The following COL28A1 variants were observed in gnomAD, a reference collection of about 807,000 sequenced individuals.
COL28A1 encodes collagen type XXVIII alpha 1 chain.
Under a neutral mutation model 150.2 loss-of-function variants are expected in COL28A1, and 161 were observed. The ratio of observed to expected loss-of-function variants is 1.07; its 90% CI spans 0.94 to 1.22. The LOEUF is 1.22. Among genes scored for constraint, COL28A1 ranks in the 50% most tolerant of loss-of-function variants. The pLI is 0.00. For missense variants in COL28A1, 1,617 were observed against 1,388.3 expected, an observed-to-expected ratio of 1.16 and a Z score of -2.62; for synonymous variants, 552 against 469.7, an observed-to-expected ratio of 1.18 and a Z score of -2.26.
chr7:7,437,452 C>T lies in COL28A1; in HGVS notation c.1733G>A (p.Gly578Asp), dbSNP rs758705680. ...AGGCATTCCAAAAGGGCCCATAATG[C>T]CCGGTTCACCCTTAAAAAGAGCAAA... ...PGPEGPKGEPGIMGPFGMPGT... is the reference protein window; with the variant it reads ...PGPEGPKGEPDIMGPFGMPGT... Residue 578 changes from glycine (G) to aspartate (D), a missense_variant, in exon 22 of 35, where the codon GGC becomes GAC. Transcript: ENST00000399429. 4 of 1,613,384 alleles carry T rather than the reference C, an allele frequency of 2.5e-6. No homozygotes were observed. The highest frequency in any genetic ancestry group is 3.4e-6 in the Non-Finnish European group (4 of 1,179,778).
Position 7,417,908 on chromosome 7 carries a change from C to A in COL28A1, c.2087G>T (p.Gly696Val), listed in dbSNP as rs766629201. Residue 696 changes from glycine to valine, a missense_variant, in exon 27 of 35, where the codon GGC becomes GTC. By Grantham distance (109) the Gly-to-Val change is moderately radical (BLOSUM62 -3). Coordinates refer to ENST00000399429, the MANE Select transcript of COL28A1 (RefSeq NM_001037763.3). ...AGGGGGGCCAGGAGGGCCAGGCAAG[C>A]CTTTCTGCCCAGTATCACCCTGTTA... The part of the protein sequence containing the change: ...QGPKGDTGQK[G>V]LPGPPGPPGY... 6.2e-7 allele frequency: 1 copy of A among 1,613,338 alleles called. No homozygotes were observed. The highest frequency in any genetic ancestry group is 8.5e-7 in the Non-Finnish European group (1 of 1,179,622).
rs979008480 is a variant in COL28A1, at chr7:7,535,846, C to G, written c.-134G>C. On this transcript the variant is annotated 5_prime_UTR_variant, in exon 1 of 35. Coordinates refer to ENST00000399429, the MANE Select transcript of COL28A1 (RefSeq NM_001037763.3). Reference sequence around the variant, plus strand: ...GTGAAGTTAGCTATTTGATATTGTTCTGTTCTGTGGGAAATAAAAGTGTCT... The same window carrying G: ...GTGAAGTTAGCTATTTGATATTGTTGTGTTCTGTGGGAAATAAAAGTGTCT... 11 of 152,264 alleles carry G rather than the reference C, an allele frequency of 7.2e-5. No individual in the cohort carries two copies. Among genetic ancestry groups the G allele is most frequent in the African/African-American group, 2.6e-4 (11 of 41,570 alleles). The allele number at this position is 152,264 out of a possible 1,614,324, so 9.4% of individuals were successfully genotyped here.
intron 18 of COL28A1, among the ~76,000 whole-genome samples, chr7:7,445,897 G>C (rs1013014655): frequency 2.1e-5 from 3 of 145,844 alleles, no homozygotes; most frequent in Non-Finnish European, 4.5e-5. Context: ...TTTCGTTCTT[G>C]TTGACCAGGC....
chr7:7,420,219 C>T (rs1245566339), intron 25 of COL28A1: 4 of 251,296 alleles, frequency 1.6e-5, no homozygotes, highest in South Asian at 1.2e-4. Flanking sequence ...AAAGTAATTA[C>T]GAGTATTGTG....
At chr7:7,522,692 G>T (rs1781790735) in intron 4 of COL28A1, among the ~76,000 whole-genome samples, 1 of 151,536 alleles carries the variant, frequency 6.6e-6, no homozygotes, top group Admixed American at 6.6e-5. Context: ...GACAAAAAAT[G>T]ATTCAGATTT....
chr7:7,378,796 G>C (rs934198652), intron 30 of COL28A1, among the ~76,000 whole-genome samples: 4 of 152,190 alleles, frequency 2.6e-5, no homozygotes, highest in Non-Finnish European at 5.9e-5. Flanking sequence ...ACCTCATGGA[G>C]CTGTCATGCA....
At chr7:7,432,580 T>C in intron 24 of COL28A1, 39 bp from the exon 25 acceptor site, 1 of 1,606,404 alleles carries the variant, frequency 6.2e-7, no homozygotes, top group Non-Finnish European at 8.5e-7. Flanking sequence ...AGCATCCTTG[T>C]AGTATGCAAC....
At chr7:7,388,979 G>A (rs554760732) in intron 27 of COL28A1, among the ~76,000 whole-genome samples, 1 of 152,252 alleles carries the variant, frequency 6.6e-6, no homozygotes, top group South Asian at 2.1e-4. Context: ...TTCTTTTGCT[G>A]TGCAGAAGCT....
intron 4 of COL28A1, 194 bp from the exon 5 acceptor site, chr7:7,522,155 C>T: frequency 1.6e-6 from 1 of 639,960 alleles, no homozygotes; most frequent in Admixed American, 2.1e-5. Context: ...GGATGTTTTG[C>T]TCTCTCTATT....
intron 18 of COL28A1, among the ~76,000 whole-genome samples, chr7:7,452,045 G>A (rs901235440): frequency 4.6e-5 from 7 of 152,138 alleles, no homozygotes; most frequent in Non-Finnish European, 8.8e-5. Flanking sequence ...ATCATGTCCC[G>A]AAAGCTGGGG....
chr7:7,503,614 C>A (rs1430040502), intron 11 of COL28A1, among the ~76,000 whole-genome samples: 1 of 152,074 alleles, frequency 6.6e-6, no homozygotes, highest in East Asian at 1.9e-4. Context: ...ATAGTACATT[C>A]TGGGAGGCAA....
chr7:7,496,300 T>G (rs1385639382), intron 11 of COL28A1, among the ~76,000 whole-genome samples: 1 of 152,332 alleles, frequency 6.6e-6, no homozygotes, highest in African/African-American at 2.4e-5. Context: ...ATTACTATAA[T>G]TCACTCAATC....
At chr7:7,395,119 C>G (rs1181704028) in intron 27 of COL28A1, among the ~76,000 whole-genome samples, 2 of 152,188 alleles carry the variant, frequency 1.3e-5, no homozygotes, top group Non-Finnish European at 1.5e-5. Flanking sequence ...TGGCGAAACC[C>G]TGTTTCTACT....
chr7:7,447,330 A>T (rs1044010890), intron 18 of COL28A1, among the ~76,000 whole-genome samples: 48 of 152,106 alleles, frequency 3.2e-4, no homozygotes, highest in African/African-American at 1.2e-3. Flanking sequence ...TGTAATCCCA[A>T]CTACTCAGGA....
At chr7:7,346,224 ATTTTT>A in the COL28A1 span, among the ~76,000 whole-genome samples, 1 of 149,154 alleles carries the variant, frequency 6.7e-6, no homozygotes, top group Non-Finnish European at 1.5e-5. Context: ...AGTTTTAATC[ATTTTT>A]TTTTTAAGAT....
chr7:7,530,661 G>C (rs1322041176), intron 3 of COL28A1, among the ~76,000 whole-genome samples: 2 of 151,924 alleles, frequency 1.3e-5, no homozygotes, highest in Non-Finnish European at 2.9e-5. Context: ...AAGCAGCAAG[G>C]AAAGGCTTTT....
At chr7:7,524,055 G>C (rs1781888689) in intron 4 of COL28A1, among the ~76,000 whole-genome samples, 174 bp downstream of exon 4, 1 of 152,132 alleles carries the variant, frequency 6.6e-6, no homozygotes, top group Non-Finnish European at 1.5e-5. Context: ...AACTTGCATT[G>C]AATATGGTAG....
chr7:7,497,765 G>C (rs1399543440), intron 11 of COL28A1, among the ~76,000 whole-genome samples: 1 of 152,086 alleles, frequency 6.6e-6, no homozygotes, highest in Non-Finnish European at 1.5e-5. Flanking sequence ...TGATGCACAT[G>C]CTATTTCAGG....
intron 11 of COL28A1, among the ~76,000 whole-genome samples, chr7:7,497,082 AAAGGAAGGAAGAAAGGAAGG>A (rs1156374283): frequency 5.0e-5 from 6 of 120,782 alleles, no homozygotes; most frequent in African/African-American, 8.8e-5. Flanking sequence ...AGGAAGGAAG[AAAGGAAGGAAGAAAGGAAGG>A]AAGGAAGGAA....
Sources: gnomAD v4.1 joint callset for allele counts (sites outside exome capture counted in the v4.1 genomes callset) on GRCh38, gnomAD v4.1.1 for gene constraint, MANE v1.5 for transcripts, NCBI Gene and HGNC (gene_info 2026-07-23, HGNC 2026-07-21) for gene names.